The following KMT2C variants were observed in gnomAD, a reference collection of about 807,000 sequenced individuals.
KMT2C encodes the protein lysine methyltransferase 2C.
KMT2C carries 88 observed loss-of-function variants against 507.9 expected under a neutral mutation model. That is an observed-to-expected ratio of 0.17 (90% CI 0.15 to 0.21). The LOEUF is 0.21. Ranked by LOEUF, KMT2C falls within the 10% of genes least tolerant of loss-of-function variation. KMT2C has a pLI of 1.00. For missense variants in KMT2C, 4,954 were observed against 5,957.8 expected (o/e 0.83, Z 5.55); for synonymous variants, 2,049 against 2,080.8 (o/e 0.98, Z 0.42).
intron 55 of KMT2C, among the ~76,000 whole-genome samples, chr7:152,143,651 G>C (rs940936685): frequency 6.6e-6 from 1 of 152,212 alleles, no homozygotes; most frequent in African/African-American, 2.4e-5. Context: ...ACATTTCTCA[G>C]ACGGAAGGTC....
At chr7:152,387,735 T>C (rs929354628) in intron 1 of KMT2C, among the ~76,000 whole-genome samples, 1 of 152,218 alleles carries the variant, frequency 6.6e-6, no homozygotes, top group African/African-American at 2.4e-5. Context: ...CCTCCCAAAG[T>C]GCTGGGATTA....
At chr7:152,392,034 C>T (rs554260723) in intron 1 of KMT2C, among the ~76,000 whole-genome samples, 98 of 149,778 alleles carry the variant, frequency 6.5e-4, no homozygotes, top group East Asian at 5.7e-3. Context: ...AACCCCATAC[C>T]CTACCCCTGC....
intron 2 of KMT2C, among the ~76,000 whole-genome samples, chr7:152,333,325 C>T (rs988990344): frequency 1.3e-5 from 2 of 152,178 alleles, no homozygotes; most frequent in African/African-American, 2.4e-5. Flanking sequence ...GGGGGTCTCA[C>T]TATGTTGCCC....
rs542225276 is a variant in KMT2C, at chr7:152,421,601, C to T, written c.161+14025G>A. ...ATGATCCTTTGCAACAGCATGGATG[C>T]AGTTGGAGGCCATTATTCGTAAGCG... On this transcript the variant is annotated intron_variant, in intron 1 of 58. Coordinates refer to ENST00000262189, the MANE Select transcript of KMT2C (RefSeq NM_170606.3). 4.6e-5 allele frequency among the ~76,000 whole-genome samples: 7 copies of T among 152,270 alleles called. No homozygotes were observed. In the South Asian group the frequency reaches 1.2e-3, roughly 27 times the overall value.
rs1323931123 is a variant in KMT2C at position 152,435,735 on chromosome 7, G to C, written c.52C>G (p.Pro18Ala). 6.5e-6 allele frequency: 10 copies of C among 1,528,704 alleles called. No homozygotes were observed. In the East Asian group the frequency reaches 1.1e-4, roughly 16 times the overall value. 94.7% of individuals were successfully genotyped at this position (1,528,704 alleles called of 1,614,324 possible). Residue 18 changes from proline to alanine, a missense_variant, in exon 1 of 59, where the codon CCC becomes GCC. Coordinates refer to ENST00000262189, the MANE Select transcript of KMT2C (RefSeq NM_170606.3). ...GCCGGGGCTCCAGGCTCCTCGGGGGGTGGTGGCGGCGGCTGCGGCTGCTCC... is the reference window on the plus strand; with the variant it reads ...GCCGGGGCTCCAGGCTCCTCGGGGGCTGGTGGCGGCGGCTGCGGCTGCTCC... Reference protein sequence around the residue: ...SVEQPQPPPPPPEEPGAPAPS... With the variant: ...SVEQPQPPPPAPEEPGAPAPS...
intron 1 of KMT2C, among the ~76,000 whole-genome samples, chr7:152,395,127 C>T (rs1482159155): frequency 6.6e-6 from 1 of 152,064 alleles, no homozygotes; most frequent in Non-Finnish European, 1.5e-5. Flanking sequence ...AAGTTTGGTA[C>T]ATGTATAATC....
chr7:152,435,073 C>G lies in KMT2C; in HGVS notation c.161+553G>C, dbSNP rs189436382. Among the ~76,000 whole-genome samples the G allele has an allele frequency of 8.5e-5, 13 of 152,170 alleles. 2 individuals carry two copies. The highest frequency in any genetic ancestry group is 2.6e-4 in the African/African-American group (11 of 41,522). The stretch of plus-strand genomic sequence containing the variant: ...CTAATATATCATCAAAAGAAGAAAA[C>G]ACAGGTTTGGGACCAGGAAAAGTTC... On this transcript the variant is annotated intron_variant, in intron 1 of 58. Transcript: ENST00000262189.
intron 6 of KMT2C, among the ~76,000 whole-genome samples, chr7:152,290,262 A>G (rs1386402074): frequency 0.22 from 4,244 of 19,358 alleles, 448 homozygotes; most frequent in African/African-American, 0.45. Context: ...GTATGTGTAT[A>G]TATATATATA....
rs999456523 is a variant in KMT2C, at chr7:152,327,088, G to C, written c.389+3513C>G. Among the ~76,000 whole-genome samples the C allele has an allele frequency of 3.9e-5, 6 of 152,304 alleles. No individual in the cohort carries two copies. In the East Asian group the frequency reaches 7.7e-4, roughly 20 times the overall value. ...AATGAAAATAACAGTGGTAGTGGTAGTATAGCCCAGGATAAATAAATAACA... is the reference window on the plus strand; with the variant it reads ...AATGAAAATAACAGTGGTAGTGGTACTATAGCCCAGGATAAATAAATAACA... On this transcript the variant is annotated intron_variant, in intron 3 of 58. Coordinates refer to ENST00000262189, the MANE Select transcript of KMT2C (RefSeq NM_170606.3).
At chr7:152,276,012 C>T (rs1376851273) in intron 6 of KMT2C, among the ~76,000 whole-genome samples, 1 of 152,118 alleles carries the variant, frequency 6.6e-6, no homozygotes, top group Non-Finnish European at 1.5e-5. Flanking sequence ...CCAATATGTT[C>T]TCTTAATCAT....
At chr7:152,319,219 A>T (rs2129204957) in intron 3 of KMT2C, among the ~76,000 whole-genome samples, 1 of 152,332 alleles carries the variant, frequency 6.6e-6, no homozygotes, top group South Asian at 2.1e-4. Flanking sequence ...AGTATAACAA[A>T]ATATATAAAA....
intron 13 of KMT2C, among the ~76,000 whole-genome samples, chr7:152,249,320 GTTTTT>G (rs200151238): frequency 2.1e-5 from 2 of 94,662 alleles, no homozygotes; most frequent in Admixed American, 1.2e-4. Flanking sequence ...AATTTATCTG[GTTTTT>G]TTTTTTTTTT....
At chr7:152,271,126 T>C (rs2095958726) in intron 7 of KMT2C, among the ~76,000 whole-genome samples, 1 of 152,190 alleles carries the variant, frequency 6.6e-6, no homozygotes, top group South Asian at 2.1e-4. Flanking sequence ...TTATGTGAAT[T>C]CCATTCATTG....
chr7:152,391,227 GTTGTTTGTTTT>G lies in KMT2C; in HGVS notation c.162-32563_162-32553del, dbSNP rs200097354. On this transcript the variant is annotated intron_variant, in intron 1 of 58. Coordinates refer to ENST00000262189, the MANE Select transcript of KMT2C (RefSeq NM_170606.3). ...GTATGTTTTTCCTAGGTTTTTTGTC[GTTGTTTGTTTT>G]TTGTTTGTTTTTTTGTTTTTGAGAC... Among the ~76,000 whole-genome samples, 980 of 140,442 alleles carry G rather than the reference GTTGTTTGTTTT, an allele frequency of 7.0e-3. 7 individuals carry two copies. The highest frequency in any genetic ancestry group is 9.2e-3 in the Non-Finnish European group (601 of 65,084). 92.1% of individuals were successfully genotyped at this position (140,442 alleles called of 152,430 possible).
At chr7:152,187,528 A>C (rs1188176082) in intron 32 of KMT2C, 52 bp from the exon 33 acceptor site, 13 of 1,511,470 alleles carry the variant, frequency 8.6e-6, no homozygotes, top group Non-Finnish European at 1.1e-5. Flanking sequence ...ACTTCTTAAT[A>C]TATGTTCAAG....
intron 36 of KMT2C, 92 bp downstream of exon 36, chr7:152,180,619 C>T (rs534652791): frequency 2.1e-6 from 2 of 971,624 alleles, no homozygotes; most frequent in Non-Finnish European, 3.0e-6. Context: ...AAAAATAAAA[C>T]ATTAACTCCT....
intron 18 of KMT2C, among the ~76,000 whole-genome samples, chr7:152,226,732 AC>A (rs545957480): frequency 2.0e-5 from 3 of 152,300 alleles, no homozygotes; most frequent in Non-Finnish European, 4.4e-5. Flanking sequence ...CAGAGAGTAA[AC>A]AGAAAGTTTT....
rs981111891 is a variant in KMT2C at position 152,187,192 on chromosome 7, G to T, written c.5008+70C>A. 5 of 1,254,942 alleles carry T rather than the reference G, an allele frequency of 4.0e-6. No individual in the cohort carries two copies. The African/African-American group carries it at 7.7e-5, about 19-fold the overall frequency. The allele number at this position is 1,254,942 out of a possible 1,614,324, so 77.7% of individuals were successfully genotyped here. A position where few individuals can be genotyped will look rare whatever the true frequency, so the allele number is the denominator to read the frequency against. On this transcript the variant is annotated intron_variant, in intron 33 of 58. Coordinates refer to ENST00000262189, the MANE Select transcript of KMT2C (RefSeq NM_170606.3). ...TTAGTTAAGCTACCTTTCTATTGCA[G>T]TTAAAAAAAAAAAAGGTATTGCACA...
intron 3 of KMT2C, among the ~76,000 whole-genome samples, chr7:152,322,786 T>C (rs1345154162): frequency 6.6e-6 from 1 of 151,926 alleles, no homozygotes; most frequent in African/African-American, 2.4e-5. Flanking sequence ...AGAAAATATT[T>C]AATATCCAAA....
Sources: allele counts gnomAD v4.1 joint callset (sites outside exome capture counted in the v4.1 genomes callset), GRCh38; gene constraint gnomAD v4.1.1; transcripts MANE v1.5; gene names NCBI Gene and HGNC (gene_info 2026-07-23, HGNC 2026-07-21).